The following ZNHIT6 variants were observed in gnomAD, a reference collection of about 807,000 sequenced individuals.
ZNHIT6 encodes the protein box C/D snoRNA protein 1.
Under a neutral mutation model 57.2 loss-of-function variants are expected in ZNHIT6, and 45 were observed. The ratio of observed to expected loss-of-function variants is 0.79; its 90% CI spans 0.62 to 1.01. ZNHIT6 has a LOEUF of 1.01. ZNHIT6 is among the 50% of genes least tolerant of loss of function. ZNHIT6 has a pLI of 0.00. For missense variants in ZNHIT6, 528 were observed against 567.3 expected, an observed-to-expected ratio of 0.93 and a Z score of 0.70; for synonymous variants, 188 against 190.0, an observed-to-expected ratio of 0.99 and a Z score of 0.09.
chr1:85,675,727 A>C (rs1335069774), intron 8 of ZNHIT6, among the ~76,000 whole-genome samples: 1 of 152,188 alleles, frequency 6.6e-6, no homozygotes, highest in Non-Finnish European at 1.5e-5. Flanking sequence ...TACATTGAAA[A>C]ATCTGTTTAG....
At position 85,702,174 on chromosome 1, in the gene ZNHIT6, T is replaced by C; in HGVS notation, c.1002A>G (p.Ser334=). 1 of 1,605,850 alleles carries C rather than the reference T, an allele frequency of 6.2e-7. No individual in the cohort carries two copies. The highest frequency in any genetic ancestry group is 8.5e-7 in the Non-Finnish European group (1 of 1,177,566). The change falls in exon 5 of 10, where the codon TCA becomes TCG. Residue 334 remains serine, a synonymous_variant. Transcript: ENST00000370574. The part of the protein sequence containing the change: ...PNGFTKRKEN[S]TFFDKKKQQF... ...AAACTTACTTCTTATCAAAAAAGGT[T>C]GAATTCTCCTTCCTCTTGGTGAATC...
chr1:85,653,765 A>C lies in ZNHIT6; in HGVS notation c.*293T>G, dbSNP rs1660980904. ...AAAAAAAGAAAGAAAAAAGAAAAAAAAAGTTTTCAGTTTATGGAATTAAGC... is the reference window on the plus strand; with the variant it reads ...AAAAAAAGAAAGAAAAAAGAAAAAACAAGTTTTCAGTTTATGGAATTAAGC... On this transcript the variant is annotated 3_prime_UTR_variant, in exon 10 of 10. Transcript: ENST00000370574. 3.5e-6 allele frequency: 1 copy of C among 286,802 alleles called. No individual in the cohort carries two copies. Among genetic ancestry groups the C allele is most frequent in the Non-Finnish European group, 6.4e-6 (1 of 157,042 alleles). The allele number at this position is 286,802 out of a possible 1,614,324, so 17.8% of individuals were successfully genotyped here. A position where few individuals can be genotyped will look rare whatever the true frequency, so the allele number is the denominator to read the frequency against.
intron 8 of ZNHIT6, among the ~76,000 whole-genome samples, chr1:85,671,100 A>G (rs967057693): frequency 4.6e-5 from 7 of 152,228 alleles, no homozygotes; most frequent in Admixed American, 3.9e-4. Context: ...GGTTAAAACT[A>G]TATCTAGATT....
In ZNHIT6 at chr1:85,702,177, A is replaced by T. The variant is rs1338958904; in HGVS notation, c.999T>A (p.Asn333Lys). 6.2e-7 allele frequency: 1 copy of T among 1,606,434 alleles called. No homozygotes were observed. Among genetic ancestry groups the T allele is most frequent in the Non-Finnish European group, 8.5e-7 (1 of 1,177,900 alleles). Residue 333 changes from asparagine to lysine, a missense_variant, in exon 5 of 10, where the codon AAT (asparagine) becomes AAA (lysine). Asn to Lys is a moderately conservative substitution (Grantham distance 94, BLOSUM62 0). Transcript: ENST00000370574. Reference protein sequence around the residue: ...LPNGFTKRKENSTFFDKKKQQ... With the variant: ...LPNGFTKRKEKSTFFDKKKQQ... ...CTTACTTCTTATCAAAAAAGGTTGA[A>T]TTCTCCTTCCTCTTGGTGAATCCAT...
intron 8 of ZNHIT6, among the ~76,000 whole-genome samples, chr1:85,672,874 C>A (rs1330417760): frequency 6.6e-6 from 1 of 150,978 alleles, no homozygotes; most frequent in East Asian, 1.9e-4. Flanking sequence ...ATCTAAATTT[C>A]TTTCTGGTAA....
chr1:85,680,031 C>G (rs561730125), intron 6 of ZNHIT6, among the ~76,000 whole-genome samples: 33 of 152,272 alleles, frequency 2.2e-4, no homozygotes, highest in African/African-American at 7.2e-4. Context: ...CATAGTGAGG[C>G]CTTGCCTCTA....
intron 5 of ZNHIT6, among the ~76,000 whole-genome samples, chr1:85,694,010 T>A (rs1204253459): frequency 2.0e-5 from 3 of 152,130 alleles, no homozygotes; most frequent in South Asian, 4.1e-4. Context: ...GTGAGCTGTC[T>A]GACTATATAT....
Position 85,708,260 on chromosome 1 carries a change from C to T in ZNHIT6, c.25G>A (p.Gly9Arg), listed in dbSNP as rs17399721. MEFAAENE[G>R]KSGGGLHSVA... ...CTGTGGAGACCTCCCCCAGACTTCC[C>T]TTCATTTTCAGCAGCAAACTCCATC... is the stretch of plus-strand genomic sequence containing the variant. The change falls in exon 1 of 10, where the codon GGG (glycine) becomes AGG (arginine). Residue 9 changes from glycine to arginine, a missense_variant. Physicochemically the swap from Gly to Arg is moderately radical, Grantham distance 125. Transcript: ENST00000370574. 108,149 of 1,602,706 alleles carry T rather than the reference C, an allele frequency of 0.067. 4,191 individuals carry two copies. Among genetic ancestry groups the T allele is most frequent in the Middle Eastern group, 0.11 (649 of 6,012 alleles).
Position 85,702,262 on chromosome 1 carries a change from T to C in ZNHIT6, c.916-2A>G. ...GGCACGATTTTTCATAAAGTACATC[T>C]AACAACAAAAACCAAACAGACAAAT... On this transcript the variant is annotated splice_acceptor_variant, in intron 4 of 9. Transcript: ENST00000370574. LOFTEE classifies it high-confidence loss of function. 1 of 1,564,672 alleles carries C rather than the reference T, an allele frequency of 6.4e-7. No homozygotes were observed. Among genetic ancestry groups the C allele is most frequent in the South Asian group, 1.2e-5 (1 of 85,560 alleles).
chr1:85,707,542 A>G lies in ZNHIT6; in HGVS notation c.656+87T>C, dbSNP rs1662720492. ...ACTTGTGCTCATTTTTCATTATTCCACCTTCTCCTGATAGTGTGGTTTCCT... is the reference window on the plus strand; with the variant it reads ...ACTTGTGCTCATTTTTCATTATTCCGCCTTCTCCTGATAGTGTGGTTTCCT... On this transcript the variant is annotated intron_variant, in intron 1 of 9. Coordinates refer to ENST00000370574, the MANE Select transcript of ZNHIT6 (RefSeq NM_017953.4). 2.1e-6 allele frequency: 3 copies of G among 1,402,850 alleles called. No homozygotes were observed. In the African/African-American group the frequency reaches 4.3e-5, roughly 20 times the overall value. 86.9% of individuals were successfully genotyped at this position (1,402,850 alleles called of 1,614,324 possible). A position where few individuals can be genotyped will look rare whatever the true frequency, so the allele number is the denominator to read the frequency against.
chr1:85,667,893 G>A (rs1406183557), intron 8 of ZNHIT6, among the ~76,000 whole-genome samples: 4 of 137,060 alleles, frequency 2.9e-5, no homozygotes, highest in Non-Finnish European at 4.6e-5. Flanking sequence ...GAAATTGCGC[G>A]ACTGCACTCT....
intron 8 of ZNHIT6, among the ~76,000 whole-genome samples, chr1:85,665,594 A>T (rs1419794434): frequency 6.6e-6 from 1 of 152,092 alleles, no homozygotes; most frequent in Non-Finnish European, 1.5e-5. Context: ...ATTGTTAATT[A>T]TTTGTTTCTT....
chr1:85,703,330 C>A (rs1159634022), intron 4 of ZNHIT6, among the ~76,000 whole-genome samples: 1 of 152,116 alleles, frequency 6.6e-6, no homozygotes, highest in Non-Finnish European at 1.5e-5. Flanking sequence ...GCCTTGAAAA[C>A]AGCACTGAAT....
chr1:85,670,010 T>A (rs1239938178), intron 8 of ZNHIT6, among the ~76,000 whole-genome samples: 1 of 152,174 alleles, frequency 6.6e-6, no homozygotes, highest in Non-Finnish European at 1.5e-5. Context: ...AGCCTGACCC[T>A]GAGCAGGTAC....
intron 7 of ZNHIT6, among the ~76,000 whole-genome samples, chr1:85,677,644 GA>G (rs1661742967): frequency 6.6e-6 from 1 of 152,212 alleles, no homozygotes; most frequent in South Asian, 2.1e-4. Context: ...TATAAGGAAA[GA>G]AACTCAACTA....
rs997349654 is a variant in ZNHIT6 at position 85,650,240 on chromosome 1, G to A, written c.*3818C>T. ...AAAGCTTTCAGCCTTGTTATGCTAA[G>A]GTAAGCTGAAAATGTCAATTGCTGT... On this transcript the variant is annotated 3_prime_UTR_variant, in exon 10 of 10. Coordinates refer to ENST00000370574, the MANE Select transcript of ZNHIT6 (RefSeq NM_017953.4). 1 of 152,190 alleles carries A rather than the reference G, an allele frequency of 6.6e-6. No individual in the cohort carries two copies. Among genetic ancestry groups the A allele is most frequent in the Non-Finnish European group, 1.5e-5 (1 of 68,044 alleles). 9.4% of individuals were successfully genotyped at this position (152,190 alleles called of 1,614,324 possible). A position where few individuals can be genotyped will look rare whatever the true frequency, so the allele number is the denominator to read the frequency against.
intron 5 of ZNHIT6, among the ~76,000 whole-genome samples, chr1:85,698,172 C>A (rs932767378): frequency 6.6e-6 from 1 of 152,154 alleles, no homozygotes; most frequent in East Asian, 1.9e-4. Context: ...CTGCAAATTC[C>A]TCTAAAATAG....
At chr1:85,657,168 T>A (rs954700885) in intron 9 of ZNHIT6, among the ~76,000 whole-genome samples, 1 of 152,146 alleles carries the variant, frequency 6.6e-6, no homozygotes, top group Non-Finnish European at 1.5e-5. Context: ...TTAGTTTACT[T>A]TAATCAGTAG....
chr1:85,701,151 T>A (rs1570333284), intron 5 of ZNHIT6, among the ~76,000 whole-genome samples: 1 of 152,324 alleles, frequency 6.6e-6, no homozygotes, highest in African/African-American at 2.4e-5. Context: ...GAAAACGTCA[T>A]CTTCTAATTA....
Sources: allele counts gnomAD v4.1 joint callset (sites outside exome capture counted in the v4.1 genomes callset), GRCh38; gene constraint gnomAD v4.1.1; transcripts MANE v1.5; gene names NCBI Gene and HGNC (gene_info 2026-07-23, HGNC 2026-07-21).